Variants in RABGAP1L observed in about 807,000 individuals in gnomAD.
RABGAP1L encodes the protein RAB GTPase activating protein 1 like.
A neutral mutation model predicts 137.7 loss-of-function variants in RABGAP1L; 63 were observed. The ratio of observed to expected loss-of-function variants is 0.46; its 90% confidence interval spans 0.37 to 0.56. The LOEUF (loss-of-function observed/expected upper bound fraction) is 0.56. Ranked by LOEUF, RABGAP1L falls within the 20% of genes least tolerant of loss-of-function variation. The pLI is 0.00. For missense variants in RABGAP1L, 1,095 were observed against 1,244.0 expected, an observed-to-expected ratio of 0.88 and a Z score of 1.80; for synonymous variants, 431 against 433.7, an observed-to-expected ratio of 0.99 and a Z score of 0.08.
At chr1:174,237,207 G>T (rs1452636495) in intron 4 of RABGAP1L, among the ~76,000 whole-genome samples, 1 of 148,558 alleles carries the variant, frequency 6.7e-6, no homozygotes, top group Non-Finnish European at 1.5e-5. Flanking sequence ...ACACTGATGG[G>T]TCTTGACTCT....
At chr1:174,756,439 C>T (rs760809419) in intron 18 of RABGAP1L, among the ~76,000 whole-genome samples, 7 of 152,186 alleles carry the variant, frequency 4.6e-5, no homozygotes, top group Admixed American at 1.3e-4. Context: ...CATGAGCCAC[C>T]GCACCCTGCC....
chr1:174,727,651 T>C (rs913055205), intron 17 of RABGAP1L, among the ~76,000 whole-genome samples: 2 of 152,328 alleles, frequency 1.3e-5, no homozygotes, highest in African/African-American at 2.4e-5. Context: ...TTATTGTATA[T>C]CTTAAAATGA....
chr1:174,676,913 G>T (rs1254684779), intron 14 of RABGAP1L, among the ~76,000 whole-genome samples: 1 of 151,944 alleles, frequency 6.6e-6, no homozygotes, highest in East Asian at 1.9e-4. Context: ...TAAACCCCAG[G>T]GATATCATTT....
At chr1:174,820,409 C>A (rs571246503) in intron 19 of RABGAP1L, among the ~76,000 whole-genome samples, 1 of 152,236 alleles carries the variant, frequency 6.6e-6, no homozygotes, top group Non-Finnish European at 1.5e-5. Context: ...CTTAACCGCC[C>A]CACTCAATTT....
chr1:174,728,869 G>T (rs986818218), intron 17 of RABGAP1L, among the ~76,000 whole-genome samples: 1 of 152,108 alleles, frequency 6.6e-6, no homozygotes, highest in South Asian at 2.1e-4. Context: ...TCGAGCTCCT[G>T]ACCTCAGGTG....
intron 13 of RABGAP1L, among the ~76,000 whole-genome samples, chr1:174,440,476 T>C (rs553551128): frequency 6.6e-6 from 1 of 152,266 alleles, no homozygotes; most frequent in African/African-American, 2.4e-5. Context: ...GTAGGAGAAG[T>C]AGTTGAGGAA....
In RABGAP1L at chr1:174,993,669, T is replaced by C. The variant is rs1398710889; in HGVS notation, c.*3668T>C. ...TGTCTACTAACTCTCCCACCAACCT[T>C]TGCATCAAACACTTAGGTACCTGCC... On this transcript the variant is annotated 3_prime_UTR_variant, in exon 26 of 26. Transcript: ENST00000681986. 1.3e-5 allele frequency: 2 copies of C among 152,314 alleles called. No individual in the cohort carries two copies. Among genetic ancestry groups the C allele is most frequent in the South Asian group, 2.1e-4 (1 of 4,822 alleles). The allele number at this position is 152,314 out of a possible 1,614,324, so 9.4% of individuals were successfully genotyped here.
At chr1:174,652,601 T>A (rs753829636) in intron 14 of RABGAP1L, among the ~76,000 whole-genome samples, 1 of 152,218 alleles carries the variant, frequency 6.6e-6, no homozygotes, top group South Asian at 2.1e-4. Context: ...ATTCCAGACC[T>A]TGTTTGCCTG....
intron 10 of RABGAP1L, among the ~76,000 whole-genome samples, chr1:174,298,102 T>C (rs1347402691): frequency 6.6e-6 from 1 of 152,114 alleles, no homozygotes; most frequent in Non-Finnish European, 1.5e-5. Flanking sequence ...GGGTGTATTT[T>C]AAAGGGGAAC....
chr1:174,674,212 G>A (rs999447113), intron 14 of RABGAP1L, among the ~76,000 whole-genome samples: 4 of 150,934 alleles, frequency 2.7e-5, no homozygotes, highest in Non-Finnish European at 4.4e-5. Flanking sequence ...AGCATTAGGT[G>A]TATCTCCTAA....
At chr1:174,874,471 C>T (rs1652743655) in intron 19 of RABGAP1L, 2 of 984,274 alleles carry the variant, frequency 2.0e-6, no homozygotes, top group African/African-American at 1.8e-5. Flanking sequence ...GGGAGTGTGG[C>T]TGGTTTCTGT....
intron 4 of RABGAP1L, among the ~76,000 whole-genome samples, chr1:174,234,890 T>A (rs1484101576): frequency 7.2e-6 from 1 of 139,264 alleles, no homozygotes; most frequent in South Asian, 2.4e-4. Flanking sequence ...TGATTCTTCC[T>A]ACCCATGAGC....
chr1:174,705,087 AAG>A (rs1370338139), intron 17 of RABGAP1L: 1 of 152,120 alleles, frequency 6.6e-6, no homozygotes, highest in African/African-American at 2.4e-5. Flanking sequence ...TTTTTGCAGA[AAG>A]AGATTAATTT....
intron 13 of RABGAP1L, among the ~76,000 whole-genome samples, chr1:174,585,670 C>T (rs1669061202): frequency 6.6e-6 from 1 of 152,192 alleles, no homozygotes; most frequent in Non-Finnish European, 1.5e-5. Context: ...TTCCCTGATG[C>T]GCTAAGCATG....
chr1:174,297,625 C>T (rs771709388), intron 10 of RABGAP1L, among the ~76,000 whole-genome samples: 2 of 152,094 alleles, frequency 1.3e-5, no homozygotes, highest in African/African-American at 2.4e-5. Context: ...CTGCTTCCTG[C>T]TGATAGGGGG....
At chr1:174,677,135 A>G (rs1677691344) in intron 14 of RABGAP1L, among the ~76,000 whole-genome samples, 1 of 138,010 alleles carries the variant, frequency 7.2e-6, no homozygotes, top group African/African-American at 3.0e-5. Flanking sequence ...CAGTCTAGGC[A>G]ACATAGTGAG....
At chr1:174,373,354 G>A (rs1158219887) in intron 12 of RABGAP1L, among the ~76,000 whole-genome samples, 2 of 152,180 alleles carry the variant, frequency 1.3e-5, no homozygotes. Context: ...GGTTGAGAGA[G>A]CAGAAAGGAG....
chr1:174,348,319 C>G (rs1046774284), intron 11 of RABGAP1L, among the ~76,000 whole-genome samples: 1 of 138,864 alleles, frequency 7.2e-6, no homozygotes, highest in Non-Finnish European at 1.6e-5. Flanking sequence ...CTTTCAATAG[C>G]AAAAACTGTG....
At chr1:174,455,697 C>T (rs1655966760) in intron 13 of RABGAP1L, among the ~76,000 whole-genome samples, 1 of 151,962 alleles carries the variant, frequency 6.6e-6, no homozygotes, top group Non-Finnish European at 1.5e-5. Flanking sequence ...TTTACTTTTT[C>T]AGGAATTTTA....
Sources: gnomAD v4.1 joint callset for allele counts (sites outside exome capture counted in the v4.1 genomes callset) on GRCh38, gnomAD v4.1.1 for gene constraint, MANE v1.5 for transcripts, NCBI Gene and HGNC (gene_info 2026-07-23, HGNC 2026-07-21) for gene names.